The following ANKRD36C variants were observed in gnomAD, a reference collection of about 807,000 sequenced individuals.
ANKRD36C encodes the protein ankyrin repeat domain-containing protein 36C.
In ANKRD36C, 61 loss-of-function variants were observed where a neutral mutation model predicts 276.4. That is an observed-to-expected ratio of 0.22 (90% CI 0.18 to 0.27). The LOEUF (loss-of-function observed/expected upper bound fraction) is 0.27, where lower values mean the gene tolerates loss of function less well. ANKRD36C is among the 10% of genes least tolerant of loss of function. The pLI, the probability that ANKRD36C is intolerant of heterozygous loss-of-function variation, is 1.00. For synonymous variants in ANKRD36C, 483 were observed against 680.1 expected, an observed-to-expected ratio of 0.71 and a Z score of 4.51; for missense variants, 1,447 against 2,032.3, an observed-to-expected ratio of 0.71 and a Z score of 5.54.
intron 1 of ANKRD36C, among the ~76,000 whole-genome samples, chr2:95,988,375 T>C (rs1210899424): frequency 6.6e-6 from 1 of 152,008 alleles, no homozygotes; most frequent in Non-Finnish European, 1.5e-5. Flanking sequence ...TTCACTATTT[T>C]CTAACTTCAG....
rs1258245195 is a variant in ANKRD36C, at chr2:95,886,138, C to T, written c.3091-18G>A. 2 of 1,595,618 alleles carry T rather than the reference C, an allele frequency of 1.3e-6. No homozygotes were observed. The highest frequency in any genetic ancestry group is 1.7e-6 in the Non-Finnish European group (2 of 1,169,884). On this transcript the variant is annotated intron_variant, in intron 51 of 66. Coordinates refer to ENST00000456556, the Ensembl canonical transcript of ANKRD36C. The stretch of plus-strand genomic sequence containing the variant: ...CTTGTAGCCTGAATGGGATTTGAAA[C>T]AAAATAATCAATACATAAAGTATAT...
At chr2:95,923,977 T>C (rs1278052043) in intron 30 of ANKRD36C, among the ~76,000 whole-genome samples, 1 of 151,630 alleles carries the variant, frequency 6.6e-6, no homozygotes, top group Admixed American at 6.6e-5. Context: ...TGAGGACAAA[T>C]GTGATCTAAA....
At chr2:95,902,377 C>A (rs1005842841) in intron 42 of ANKRD36C, among the ~76,000 whole-genome samples, 14 of 149,892 alleles carry the variant, frequency 9.3e-5, no homozygotes, top group Admixed American at 4.0e-4. Context: ...TCAGCAGAAA[C>A]CCCAAAATTA....
chr2:95,879,217 G>A (rs1280901646), intron 58 of ANKRD36C, among the ~76,000 whole-genome samples: 2 of 152,178 alleles, frequency 1.3e-5, no homozygotes, highest in Non-Finnish European at 2.9e-5. Flanking sequence ...GGCTTCACAT[G>A]TTGTCAGTCC....
intron 3 of ANKRD36C, among the ~76,000 whole-genome samples, chr2:95,986,318 A>G (rs1042560377): frequency 3.9e-5 from 6 of 152,048 alleles, no homozygotes; most frequent in African/African-American, 1.5e-4. Flanking sequence ...CACATACAAT[A>G]CTTGTCAACA....
intron 42 of ANKRD36C, chr2:95,908,674 A>T (rs1343483974): frequency 1.9e-5 from 30 of 1,562,530 alleles, no homozygotes; most frequent in Non-Finnish European, 2.5e-5. Context: ...ATTACCTTCA[A>T]GCCTGGTGGT....
intron 1 of ANKRD36C, among the ~76,000 whole-genome samples, chr2:95,988,716 A>T (rs1679080464): frequency 6.6e-6 from 1 of 152,258 alleles, no homozygotes; most frequent in South Asian, 2.1e-4. Flanking sequence ...AAACTAAAAT[A>T]ATTAATTTAA....
At chr2:95,952,504 T>C (rs1437458833) in intron 14 of ANKRD36C, among the ~76,000 whole-genome samples, 16 of 148,920 alleles carry the variant, frequency 1.1e-4, no homozygotes, top group African/African-American at 2.8e-4. Flanking sequence ...AAAAGGTATT[T>C]AATAGAACAT....
rs571158210 is a variant in ANKRD36C at position 95,852,849 on chromosome 2, C to T, written c.5149-653G>A. On this transcript the variant is annotated intron_variant, in intron 64 of 66. Coordinates refer to ENST00000456556, the Ensembl canonical transcript of ANKRD36C. Reference sequence around the variant, plus strand: ...CGACAAAGTCAGTTCCAAATAAGATCCTACAGGATATTATTGACTCTCCCA... The same window carrying T: ...CGACAAAGTCAGTTCCAAATAAGATTCTACAGGATATTATTGACTCTCCCA... 1.3e-5 allele frequency: 2 copies of T among 152,372 alleles called. 1 individual carries two copies. Among genetic ancestry groups the T allele is most frequent in the African/African-American group, 4.8e-5 (2 of 41,528 alleles). 9.4% of individuals were successfully genotyped at this position (152,372 alleles called of 1,614,324 possible).
exon 3 of ANKRD36C, chr2:95,986,786 G>A: frequency 6.2e-7 from 1 of 1,611,948 alleles, no homozygotes; most frequent in Non-Finnish European, 8.5e-7. Flanking sequence ...CCATATGAAA[G>A]AAGTTTTTCT....
intron 52 of ANKRD36C, 49 bp from the exon 73 acceptor site, chr2:95,884,417 G>C: frequency 6.2e-7 from 1 of 1,608,402 alleles, no homozygotes; most frequent in Non-Finnish European, 8.5e-7. Context: ...GTATGATAAA[G>C]TTATTCATAC....
At chr2:95,851,694 C>T in exon 66 of ANKRD36C, 1 of 1,488,802 alleles carries the variant, frequency 6.7e-7, no homozygotes, top group Non-Finnish European at 9.2e-7. Flanking sequence ...ATCAGCTTAC[C>T]AAACTTGAAT....
chr2:95,955,437 T>C (rs1302259709), intron 13 of ANKRD36C, among the ~76,000 whole-genome samples: 4 of 152,208 alleles, frequency 2.6e-5, no homozygotes, highest in African/African-American at 9.6e-5. Flanking sequence ...CATCCTGTGT[T>C]ATCATTTCCC....
At chr2:95,945,045 A>T in intron 18 of ANKRD36C, 69 bp downstream of exon 18, 1 of 1,494,386 alleles carries the variant, frequency 6.7e-7, no homozygotes, top group Non-Finnish European at 9.0e-7. Flanking sequence ...TCTACAAAAA[A>T]TAAGAAAGAA....
At chr2:95,979,108 A>G (rs1678867439) in intron 5 of ANKRD36C, among the ~76,000 whole-genome samples, 1 of 152,054 alleles carries the variant, frequency 6.6e-6, no homozygotes, top group Non-Finnish European at 1.5e-5. Context: ...ACATACTAAT[A>G]AAATATTTAC....
intron 8 of ANKRD36C, 28 bp downstream of exon 8, chr2:95,962,324 A>G: frequency 6.5e-7 from 1 of 1,546,298 alleles, no homozygotes. Context: ...CTGAGTGAAC[A>G]TGACATTAGA....
chr2:95,945,996 T>G (rs1320058296), intron 17 of ANKRD36C, among the ~76,000 whole-genome samples: 1 of 152,206 alleles, frequency 6.6e-6, no homozygotes, highest in Non-Finnish European at 1.5e-5. Context: ...CTAATAATAC[T>G]GGTTAGCATT....
chr2:95,889,262 T>C (rs1165121155), intron 48 of ANKRD36C, among the ~76,000 whole-genome samples: 1 of 151,440 alleles, frequency 6.6e-6, no homozygotes, highest in Non-Finnish European at 1.5e-5. Context: ...TTGAAGTGAG[T>C]TCACTGAGGT....
In ANKRD36C at chr2:95,991,492, C is replaced by A; in HGVS notation, c.197+20G>T. 3 of 1,572,980 alleles carry A rather than the reference C, an allele frequency of 1.9e-6. No individual in the cohort carries two copies. The highest frequency in any genetic ancestry group is 2.6e-6 in the Non-Finnish European group (3 of 1,159,112). On this transcript the variant is annotated intron_variant, in intron 1 of 66. Transcript: ENST00000456556. ...ATCCACAGGCCTCCTCCCGCAGCCC[C>A]GGCTCCCGGCCCCCATTACCTTTCC...
Sources: allele counts gnomAD v4.1 joint callset (sites outside exome capture counted in the v4.1 genomes callset), GRCh38; gene constraint gnomAD v4.1.1; transcripts MANE v1.5; gene names NCBI Gene and HGNC (gene_info 2026-07-23, HGNC 2026-07-21).